The following FAH variants were observed in gnomAD, a reference collection of about 807,000 sequenced individuals.
FAH encodes the protein fumarylacetoacetate hydrolase, also known as fumarylacetoacetase.
Under a neutral mutation model 55.8 loss-of-function variants are expected in FAH, and 47 were observed. That is an observed-to-expected ratio of 0.84 (90% CI 0.67 to 1.07). The LOEUF (loss-of-function observed/expected upper bound fraction) is 1.07. Among genes scored for constraint, FAH ranks in the 50% least tolerant of loss-of-function variants. The probability of loss-of-function intolerance (pLI) is 0.00; values close to 1 mark genes in which losing one functional copy is unlikely to be tolerated. For missense variants in FAH, 495 were observed against 545.9 expected (o/e 0.91, Z 0.93); for synonymous variants, 199 against 207.7 (o/e 0.96, Z 0.36).
chr15:80,168,327 T>G lies in FAH; in HGVS notation c.606+11T>G. 1 of 1,612,014 alleles carries G rather than the reference T, an allele frequency of 6.2e-7. No individual in the cohort carries two copies. Among genetic ancestry groups the G allele is most frequent in the Non-Finnish European group, 8.5e-7 (1 of 1,179,900 alleles). ...ATGGAGCTGGAAATGGTAAGTGAGC[T>G]TGATGTTTTATTGCCATGGGATCTA... On this transcript the variant is annotated intron_variant, in intron 7 of 13. Transcript: ENST00000561421.
chr15:80,153,173 GA>G, intron 1 of FAH, 38 bp downstream of exon 1: 3 of 411,392 alleles, frequency 7.3e-6, no homozygotes, highest in Non-Finnish European at 1.3e-5. Context: ...CGCGGGGAGG[GA>G]GTGGAGTGGA....
At position 80,172,912 on chromosome 15, in the gene FAH, G is replaced by A. The variant is rs1008844023; in HGVS notation, c.707-102G>A. 55 of 1,477,458 alleles carry A rather than the reference G, an allele frequency of 3.7e-5. No homozygotes were observed. In the African/African-American group the frequency reaches 6.4e-4, roughly 17 times the overall value. 91.5% of individuals were successfully genotyped at this position (1,477,458 alleles called of 1,614,324 possible). On this transcript the variant is annotated intron_variant, in intron 8 of 13. Coordinates refer to ENST00000561421, the MANE Select transcript of FAH (RefSeq NM_000137.4). ...ACTGGGGCTGATCTTTGTGGAGATGGCAGTGCTAGGTGTCTCTGCTCCTTG... is the reference window on the plus strand; with the variant it reads ...ACTGGGGCTGATCTTTGTGGAGATGACAGTGCTAGGTGTCTCTGCTCCTTG...
intron 7 of FAH, 194 bp downstream of exon 7, chr15:80,168,510 C>T (rs923057768): frequency 1.6e-6 from 1 of 627,846 alleles, no homozygotes; most frequent in African/African-American, 1.8e-5. Flanking sequence ...TTTGAGAATT[C>T]ACAACTACTT....
At chr15:80,167,973 T>C (rs2041207667) in intron 5 of FAH, 79 bp from the exon 6 acceptor site, 2 of 1,180,756 alleles carry the variant, frequency 1.7e-6, no homozygotes, top group African/African-American at 1.5e-5. Flanking sequence ...TCTTTGTTTC[T>C]AGTTTTTGAA....
intron 11 of FAH, among the ~76,000 whole-genome samples, chr15:80,178,114 C>T (rs999539311): frequency 4.6e-5 from 7 of 152,216 alleles, no homozygotes; most frequent in South Asian, 4.2e-4. Flanking sequence ...GCAGGAGGAT[C>T]GCTTGAGCCC....
chr15:80,162,516 A>G lies in FAH; in HGVS notation c.455+180A>G, dbSNP rs1054734730. On this transcript the variant is annotated intron_variant, in intron 5 of 13. Coordinates refer to ENST00000561421, the MANE Select transcript of FAH (RefSeq NM_000137.4). Reference sequence around the variant, plus strand: ...TCTGGTCTCCTGCTCAGCTTGGCTTAGGACTTGCTGTGGGATCGAAGGGCA... The same window carrying G: ...TCTGGTCTCCTGCTCAGCTTGGCTTGGGACTTGCTGTGGGATCGAAGGGCA... 13 of 676,020 alleles carry G rather than the reference A, an allele frequency of 1.9e-5. No individual in the cohort carries two copies. In the East Asian group the frequency reaches 3.3e-4, roughly 17 times the overall value. The allele number at this position is 676,020 out of a possible 1,614,324, so 41.9% of individuals were successfully genotyped here.
At chr15:80,178,283 C>A (rs1476209137) in intron 11 of FAH, among the ~76,000 whole-genome samples, 1 of 152,202 alleles carries the variant, frequency 6.6e-6, no homozygotes, top group Non-Finnish European at 1.5e-5. Context: ...GTGCAACCAG[C>A]ACCCAGATCA....
chr15:80,153,018 C>T lies in FAH; in HGVS notation c.-37C>T. On this transcript the variant is annotated 5_prime_UTR_variant, in exon 1 of 14. Transcript: ENST00000561421. ...GAGTTCAGTCCTGCTCTCCGCACGCCACCTTAGGCCCGCAGCCGTGCCGGG... is the reference window on the plus strand; with the variant it reads ...GAGTTCAGTCCTGCTCTCCGCACGCTACCTTAGGCCCGCAGCCGTGCCGGG... The T allele has an allele frequency of 1.3e-6, 2 of 1,593,656 alleles. No individual in the cohort carries two copies. The highest frequency in any genetic ancestry group is 1.7e-6 in the Non-Finnish European group (2 of 1,165,730).
intron 1 of FAH, chr15:80,156,336 T>A (rs2041100298): frequency 6.5e-6 from 1 of 154,620 alleles, no homozygotes; most frequent in Admixed American, 6.4e-5. Context: ...TGATTAATAA[T>A]GTTTATACTA....
chr15:80,164,811 C>T (rs551840139), intron 5 of FAH, among the ~76,000 whole-genome samples: 1 of 152,320 alleles, frequency 6.6e-6, no homozygotes, highest in East Asian at 1.9e-4. Flanking sequence ...CTTCCTCAGC[C>T]ACTCACCAGA....
intron 11 of FAH, among the ~76,000 whole-genome samples, chr15:80,178,596 T>TG (rs1425154927): frequency 6.6e-6 from 1 of 151,728 alleles, no homozygotes; most frequent in East Asian, 1.9e-4. Flanking sequence ...AATTTTTTTT[T>TG]TTTTTTGAGA....
At chr15:80,171,538 G>A (rs1175230908) in intron 7 of FAH, among the ~76,000 whole-genome samples, 1 of 152,186 alleles carries the variant, frequency 6.6e-6, no homozygotes, top group African/African-American at 2.4e-5. Context: ...TCGGCCTGCT[G>A]CAGCCTTGAC....
chr15:80,156,200 T>C (rs12593746), intron 1 of FAH: 149,524 of 217,570 alleles, frequency 0.69, 52,332 homozygotes, highest in East Asian at 0.88. Context: ...CTTATGCGGG[T>C]GTGACAGGGC....
chr15:80,162,334 T>C lies in FAH; in HGVS notation c.453T>C (p.Asn151=). The change falls in exon 5 of 14, where the codon AAT becomes AAC. Residue 151 remains asparagine (N), a splice_region_variant and synonymous_variant. Coordinates refer to ENST00000561421, the MANE Select transcript of FAH (RefSeq NM_000137.4). The part of the protein sequence containing the change: ...FRDKENALMP[N]WLHLPVGYHG... ...ACAAGGAGAATGCGTTGATGCCAAA[T>C]TGGTATGAACTGGGCCAAATGTCTG... 1 of 1,613,180 alleles carries C rather than the reference T, an allele frequency of 6.2e-7. No individual in the cohort carries two copies. Among genetic ancestry groups the C allele is most frequent in the East Asian group, 2.2e-5 (1 of 44,886 alleles).
At chr15:80,153,421 A>G (rs1214641827) in intron 1 of FAH, among the ~76,000 whole-genome samples, 1 of 152,212 alleles carries the variant, frequency 6.6e-6, no homozygotes, top group Admixed American at 6.5e-5. Flanking sequence ...AAGCAGAGCA[A>G]GCAGGATTCT....
In FAH at chr15:80,179,534, C is replaced by T. The variant is rs149392263; in HGVS notation, c.961-590C>T. Among the ~76,000 whole-genome samples, 697 of 152,206 alleles carry T rather than the reference C, an allele frequency of 4.6e-3. 4 individuals are homozygous for T. The highest frequency in any genetic ancestry group is 0.016 in the African/African-American group (681 of 41,520). The stretch of plus-strand genomic sequence containing the variant: ...GGCATGGGCGTGCATTGCATCTGAG[C>T]GTCTCGGTGGGCACGTGGTGCCTTG... On this transcript the variant is annotated intron_variant, in intron 11 of 13. Coordinates refer to ENST00000561421, the MANE Select transcript of FAH (RefSeq NM_000137.4).
At chr15:80,159,373 C>T (rs2041128006) in intron 2 of FAH, among the ~76,000 whole-genome samples, 1 of 152,066 alleles carries the variant, frequency 6.6e-6, no homozygotes, top group African/African-American at 2.4e-5. Flanking sequence ...ACACCTGGCC[C>T]AAAACCTCTT....
At chr15:80,176,899 A>T (rs2041288960) in intron 10 of FAH, among the ~76,000 whole-genome samples, 1 of 152,190 alleles carries the variant, frequency 6.6e-6, no homozygotes, top group African/African-American at 2.4e-5. Flanking sequence ...GCAGACCCAG[A>T]CCTCGCATGG....
intron 13 of FAH, among the ~76,000 whole-genome samples, chr15:80,184,769 A>T (rs2041356926): frequency 6.6e-6 from 1 of 152,180 alleles, no homozygotes; most frequent in Non-Finnish European, 1.5e-5. Context: ...AACAGATGTG[A>T]CAAATGCATC....
Sources: allele counts gnomAD v4.1 joint callset (sites outside exome capture counted in the v4.1 genomes callset), GRCh38; gene constraint gnomAD v4.1.1; transcripts MANE v1.5; gene names NCBI Gene and HGNC (gene_info 2026-07-23, HGNC 2026-07-21).